NUP43: variants seen among roughly 807,000 people sequenced by gnomAD.
NUP43 encodes nucleoporin 43.
A neutral mutation model predicts 47.3 loss-of-function variants in NUP43; 32 were observed. That is an observed-to-expected ratio of 0.68 (90% CI 0.51 to 0.91). The LOEUF is 0.91. NUP43 is among the 40% of genes least tolerant of loss of function. The pLI, the probability that NUP43 is intolerant of heterozygous loss-of-function variation, is 0.00. For synonymous variants in NUP43, 147 were observed against 158.4 expected, an observed-to-expected ratio of 0.93 and a Z score of 0.54; for missense variants, 444 against 453.9, an observed-to-expected ratio of 0.98 and a Z score of 0.20.
At chr6:149,732,160 C>T (rs1391191520) in intron 6 of NUP43, among the ~76,000 whole-genome samples, 2 of 131,450 alleles carry the variant, frequency 1.5e-5, no homozygotes, top group Admixed American at 9.0e-5. Context: ...CCAGCCTGGG[C>T]GACAAAGTGA....
chr6:149,734,076 G>C (rs1031047401), intron 6 of NUP43, among the ~76,000 whole-genome samples: 1 of 151,710 alleles, frequency 6.6e-6, no homozygotes, highest in Non-Finnish European at 1.5e-5. Flanking sequence ...CACCTGCCTC[G>C]GCCTCCCAAA....
intron 4 of NUP43, among the ~76,000 whole-genome samples, 187 bp from the exon 5 acceptor site, chr6:149,738,965 T>C (rs1377030085): frequency 6.6e-6 from 1 of 152,108 alleles, no homozygotes; most frequent in Non-Finnish European, 1.5e-5. Flanking sequence ...GGAAAAACAT[T>C]TACTCACAGG....
At chr6:149,743,548 C>A in intron 3 of NUP43, 90 bp downstream of exon 3, 1 of 743,024 alleles carries the variant, frequency 1.3e-6, no homozygotes, top group South Asian at 1.6e-5. Flanking sequence ...TGAGCCGAGA[C>A]TGCGCCACTG....
rs1035486085 is a variant in NUP43, at chr6:149,738,889, A to G, written c.503-111T>C. ...GATATATTACAATTTCCAGTAACTT[A>G]TAATTTAAATTTCTATAGAAAAATG... is the stretch of plus-strand genomic sequence containing the variant. On this transcript the variant is annotated intron_variant, in intron 4 of 7. Coordinates refer to ENST00000340413, the MANE Select transcript of NUP43 (RefSeq NM_198887.3). The G allele has an allele frequency of 3.7e-5, 21 of 563,286 alleles. No homozygotes were observed. In the Admixed American group the frequency reaches 6.9e-4, roughly 19 times the overall value. The allele number at this position is 563,286 out of a possible 1,614,324, so 34.9% of individuals were successfully genotyped here. A position where few individuals can be genotyped will look rare whatever the true frequency, so the allele number is the denominator to read the frequency against.
chr6:149,742,063 G>A (rs1785687423), intron 4 of NUP43, among the ~76,000 whole-genome samples: 1 of 148,204 alleles, frequency 6.7e-6, no homozygotes, highest in Admixed American at 6.7e-5. Flanking sequence ...TTTCACTTTT[G>A]TTGCCCTGGC....
In NUP43 at chr6:149,726,963, G is replaced by A. The variant is rs1226086983; in HGVS notation, c.*6C>T. 2 of 1,600,134 alleles carry A rather than the reference G, an allele frequency of 1.2e-6. No homozygotes were observed. Among genetic ancestry groups the A allele is most frequent in the South Asian group, 1.1e-5 (1 of 90,706 alleles). On this transcript the variant is annotated 3_prime_UTR_variant, in exon 8 of 8. Transcript: ENST00000340413. ...TTCTATCTGAAATCTTATAATTATAGTACTTCTACGAAAAAAGATGTCTAG... is the reference window on the plus strand; with the variant it reads ...TTCTATCTGAAATCTTATAATTATAATACTTCTACGAAAAAAGATGTCTAG...
At position 149,738,106 on chromosome 6, in the gene NUP43, A is replaced by G. The variant is rs1257682869; in HGVS notation, c.638+537T>C. On this transcript the variant is annotated intron_variant, in intron 5 of 7. Coordinates refer to ENST00000340413, the MANE Select transcript of NUP43 (RefSeq NM_198887.3). ...TTCATTTTCACTTCAATTTGGAGAC[A>G]TGGAATGAAAGACAATCCGATGGTA... Among the ~76,000 whole-genome samples the G allele has an allele frequency of 2.0e-5, 3 of 152,362 alleles. No homozygotes were observed. The East Asian group carries it at 5.8e-4, about 29-fold the overall frequency.
intron 6 of NUP43, 45 bp downstream of exon 6, chr6:149,736,426 T>C (rs113505163): frequency 6.8e-6 from 10 of 1,466,110 alleles, no homozygotes; most frequent in African/African-American, 5.5e-5. Context: ...TTATATGTCA[T>C]ATAACTCACC....
intron 6 of NUP43, among the ~76,000 whole-genome samples, chr6:149,735,581 G>C (rs1261429916): frequency 8.2e-6 from 1 of 121,834 alleles, no homozygotes; most frequent in African/African-American, 3.4e-5. Context: ...CTAGGCAACA[G>C]AGAGAGACCC....
chr6:149,727,777 T>C (rs1784858088), intron 7 of NUP43: 1 of 983,898 alleles, frequency 1.0e-6, no homozygotes, highest in African/African-American at 1.7e-5. Flanking sequence ...GATTATAAGG[T>C]TTTATCTCTA....
chr6:149,742,609 C>G (rs769267504), intron 3 of NUP43, 39 bp from the exon 4 acceptor site: 2 of 1,511,228 alleles, frequency 1.3e-6, no homozygotes, highest in Non-Finnish European at 9.2e-7. Flanking sequence ...AAGCAAAGTA[C>G]TAAGGAATTA....
chr6:149,740,275 CAAAAAAAAA>C lies in NUP43; in HGVS notation c.503-1506_503-1498del, dbSNP rs766447484. On this transcript the variant is annotated intron_variant, in intron 4 of 7. Transcript: ENST00000340413. ...TGGGTGACAGAGCAAGACCCTGTCT[CAAAAAAAAA>C]AAAAAAAAAAAAAAAAGTAATGCAA... Among the ~76,000 whole-genome samples, 28 of 22,442 alleles carry C rather than the reference CAAAAAAAAA, an allele frequency of 1.2e-3. No individual in the cohort carries two copies. In the Admixed American group the frequency reaches 0.018, roughly 14 times the overall value. 14.7% of individuals were successfully genotyped at this position (22,442 alleles called of 152,430 possible). A position where few individuals can be genotyped will look rare whatever the true frequency, so the allele number is the denominator to read the frequency against.
intron 7 of NUP43, among the ~76,000 whole-genome samples, chr6:149,730,740 G>A (rs567163784): frequency 1.3e-5 from 2 of 152,062 alleles, no homozygotes; most frequent in East Asian, 3.9e-4. Flanking sequence ...AGAGCAGCCT[G>A]GGCAGCATAG....
Position 149,742,450 on chromosome 6 carries a change from C to T in NUP43, c.442G>A (p.Gly148Arg). The T allele has an allele frequency of 6.2e-7, 1 of 1,614,194 alleles. No individual in the cohort carries two copies. The highest frequency in any genetic ancestry group is 1.1e-5 in the South Asian group (1 of 91,088). Residue 148 changes from glycine (G) to arginine (R), a missense_variant, in exon 4 of 8, where the codon GGA (glycine) becomes AGA (arginine). Transcript: ENST00000340413. The stretch of plus-strand genomic sequence containing the variant: ...AAGAGATTTATTCGACCATCCTCTC[C>T]AACTGTAACGATTTCTGGGTTGTTG... ...VCNNPEIVTVGEDGRINLFRA... is the reference protein window; with the variant it reads ...VCNNPEIVTVREDGRINLFRA...
chr6:149,736,765 T>C lies in NUP43; in HGVS notation c.639-143A>G, dbSNP rs1785381548. The C allele has an allele frequency of 9.1e-6, 6 of 657,106 alleles. No individual in the cohort carries two copies. In the South Asian group the frequency reaches 1.4e-4, roughly 15 times the overall value. The allele number at this position is 657,106 out of a possible 1,614,324, so 40.7% of individuals were successfully genotyped here. On this transcript the variant is annotated intron_variant, in intron 5 of 7. Coordinates refer to ENST00000340413, the MANE Select transcript of NUP43 (RefSeq NM_198887.3). The stretch of plus-strand genomic sequence containing the variant: ...ATGCAGCGCTGCAATCATTGCTTAC[T>C]GTAGGCTCAAACTCCCTGGGCTCAG...
At chr6:149,746,593 G>A (rs750652718), upstream of NUP43, 1 of 1,610,312 alleles carries the variant, frequency 6.2e-7, no homozygotes, top group Admixed American at 1.7e-5. Context: ...TGGGACTTTA[G>A]GACGGAGACG....
At chr6:149,745,788 T>C in intron 2 of NUP43, 152 bp downstream of exon 2, 1 of 558,770 alleles carries the variant, frequency 1.8e-6, no homozygotes, top group Non-Finnish European at 3.0e-6. Flanking sequence ...TGCCACTAAA[T>C]GGCTAAATGA....
intron 6 of NUP43, among the ~76,000 whole-genome samples, chr6:149,734,132 C>T (rs1272288057): frequency 6.6e-6 from 1 of 152,004 alleles, no homozygotes; most frequent in Non-Finnish European, 1.5e-5. Context: ...CCATCATTTC[C>T]TCAAAATCTT....
intron 5 of NUP43, among the ~76,000 whole-genome samples, chr6:149,737,863 G>T (rs1159195599): frequency 2.6e-5 from 4 of 152,026 alleles, no homozygotes; most frequent in Non-Finnish European, 4.4e-5. Flanking sequence ...GCTAGTTTTT[G>T]TATTTTTAGT....
Sources: gnomAD v4.1 joint callset for allele counts (sites outside exome capture counted in the v4.1 genomes callset) on GRCh38, gnomAD v4.1.1 for gene constraint, MANE v1.5 for transcripts, NCBI Gene and HGNC (gene_info 2026-07-23, HGNC 2026-07-21) for gene names.